PINK1: variants seen among roughly 807,000 people sequenced by gnomAD.
The protein encoded by PINK1 is serine/threonine-protein kinase PINK1, mitochondrial.
Under a neutral mutation model 56.0 loss-of-function variants are expected in PINK1, and 58 were observed. The observed-to-expected ratio is 1.04, with a 90% CI of 0.84 to 1.29. The LOEUF (loss-of-function observed/expected upper bound fraction) is 1.29. Ranked by LOEUF, PINK1 falls within the 50% of genes most tolerant of loss-of-function variation. The pLI is 0.00. For synonymous variants in PINK1, 354 were observed against 339.3 expected (o/e 1.04, Z -0.48); for missense variants, 745 against 777.9 (o/e 0.96, Z 0.50).
At chr1:20,648,426 G>C in intron 5 of PINK1, 79 bp from the exon 6 acceptor site, 1 of 1,593,978 alleles carries the variant, frequency 6.3e-7, no homozygotes, top group Non-Finnish European at 8.6e-7. Flanking sequence ...TCTTGCTGGT[G>C]GCTTTAGTAG....
At position 20,648,525 on chromosome 1, in the gene PINK1, A is replaced by G. The variant is rs768758677; in HGVS notation, c.1144A>G (p.Ile382Val). Residue 382 changes from isoleucine (I) to valine (V), a missense_variant, in exon 6 of 8, where the codon ATC becomes GTC. Ile to Val is a conservative substitution (Grantham distance 29, BLOSUM62 3). Coordinates refer to ENST00000321556, the MANE Select transcript of PINK1 (RefSeq NM_032409.3). ...LDPDGCPWLV[I>V]ADFGCCLADE... is the part of the protein sequence containing the mutation. Reference sequence around the variant, plus strand: ...CCCAGACGGCTGCCCCTGGCTGGTGATCGCAGATTTTGGCTGCTGCCTGGC... The same window carrying G: ...CCCAGACGGCTGCCCCTGGCTGGTGGTCGCAGATTTTGGCTGCTGCCTGGC... 1 of 1,614,138 alleles carries G rather than the reference A, an allele frequency of 6.2e-7. No individual in the cohort carries two copies. Among genetic ancestry groups the G allele is most frequent in the South Asian group, 1.1e-5 (1 of 91,090 alleles).
chr1:20,647,435 G>C (rs1313829076), intron 5 of PINK1, among the ~76,000 whole-genome samples: 1 of 145,900 alleles, frequency 6.9e-6, no homozygotes, highest in Non-Finnish European at 1.5e-5. Context: ...GGGATTACAG[G>C]TATGAGCCAC....
Position 20,645,556 on chromosome 1 carries a change from C to T in PINK1, c.960-4C>T. On this transcript the variant is annotated splice_polypyrimidine_tract_variant and splice_region_variant and intron_variant, in intron 4 of 7. Transcript: ENST00000321556. ...AGCCAGAGGCCCTCTCCCCTCTCCG[C>T]CAGCTATCCCTGTACCCTGCGCCAG... 1.9e-6 allele frequency: 3 copies of T among 1,613,434 alleles called. No homozygotes were observed. The highest frequency in any genetic ancestry group is 2.2e-5 in the South Asian group (2 of 91,080).
Position 20,651,084 on chromosome 1 carries a change from C to A in PINK1, c.*393C>A. ...GATTTGCCACCTGGATGAAGGCAGA[C>A]ATCAACATGGGTCAGCACGTTCAGT... On this transcript the variant is annotated 3_prime_UTR_variant, in exon 8 of 8. Transcript: ENST00000321556. The A allele has an allele frequency of 3.1e-6, 1 of 323,052 alleles. No individual in the cohort carries two copies. Among genetic ancestry groups the A allele is most frequent in the Non-Finnish European group, 6.0e-6 (1 of 166,786 alleles). 20.0% of individuals were successfully genotyped at this position (323,052 alleles called of 1,614,324 possible).
At chr1:20,633,967 G>A (rs1196632647) in intron 1 of PINK1, 32 bp downstream of exon 1, 1 of 1,568,490 alleles carries the variant, frequency 6.4e-7, no homozygotes. Flanking sequence ...GCCGAGCGGA[G>A]GACGGAGCTA....
chr1:20,645,498 A>AAAC (rs2053167421), intron 4 of PINK1, 62 bp from the exon 5 acceptor site: 4 of 1,511,550 alleles, frequency 2.6e-6, no homozygotes, highest in Non-Finnish European at 3.6e-6. Flanking sequence ...AAAAAAAAAA[A>AAAC]AAAAAACGTA....
In PINK1 at chr1:20,650,769, T is replaced by G; in HGVS notation, c.*78T>G. On this transcript the variant is annotated 3_prime_UTR_variant, in exon 8 of 8. Coordinates refer to ENST00000321556, the MANE Select transcript of PINK1 (RefSeq NM_032409.3). The stretch of plus-strand genomic sequence containing the variant: ...CGTGATGGTCTGTGAATGGTGAGGG[T>G]GGGAGTCAGGAGACAAGACAGCGCA... 6.4e-7 allele frequency: 1 copy of G among 1,559,422 alleles called. No individual in the cohort carries two copies. The highest frequency in any genetic ancestry group is 1.1e-5 in the South Asian group (1 of 86,966).
intron 2 of PINK1, chr1:20,639,593 G>T: frequency 2.2e-6 from 1 of 446,226 alleles, no homozygotes; most frequent in Non-Finnish European, 4.2e-6. Context: ...CAGAGGCACC[G>T]ATGGCAGGAA....
At chr1:20,634,369 G>A (rs1395555816) in intron 1 of PINK1, among the ~76,000 whole-genome samples, 1 of 152,198 alleles carries the variant, frequency 6.6e-6, no homozygotes, top group African/African-American at 2.4e-5. Context: ...GAGCCAGGCT[G>A]CCTCCGCCGT....
Position 20,644,666 on chromosome 1 carries a change from TGAA to T in PINK1, c.958_959+1del, listed in dbSNP as rs761346571. 2 of 1,614,200 alleles carry T rather than the reference TGAA, an allele frequency of 1.2e-6. No individual in the cohort carries two copies. The highest frequency in any genetic ancestry group is 1.7e-6 in the Non-Finnish European group (2 of 1,180,046). ...CATGGCCGGACGCTGTTCCTCGTTA[TGAA>T]GAAGTAAGTGACAGCAGCGCGGCAG... On this transcript the variant is annotated inframe_deletion, in exon 4 of 8. Transcript: ENST00000321556.
intron 7 of PINK1, chr1:20,649,638 G>A (rs542493351): frequency 5.8e-5 from 13 of 223,962 alleles, no homozygotes; most frequent in Middle Eastern, 1.8e-3. Flanking sequence ...CGTGGCACAC[G>A]CCTGTAATTC....
Position 20,645,726 on chromosome 1 carries a change from A to G in PINK1, c.1123+3A>G. The G allele has an allele frequency of 3.1e-6, 5 of 1,614,158 alleles. No homozygotes were observed. Among genetic ancestry groups the G allele is most frequent in the South Asian group, 1.1e-5 (1 of 91,084 alleles). On this transcript the variant is annotated splice_donor_region_variant and intron_variant, in intron 5 of 7. Coordinates refer to ENST00000321556, the MANE Select transcript of PINK1 (RefSeq NM_032409.3). ...CATCCTTGTGGAGCTGGACCCAGGT[A>G]GGAACCTGCTGCACCATCAGAGCTC...
At position 20,651,295 on chromosome 1, in the gene PINK1, T is replaced by C. The variant is rs543456950; in HGVS notation, c.*604T>C. On this transcript the variant is annotated 3_prime_UTR_variant, in exon 8 of 8. Coordinates refer to ENST00000321556, the MANE Select transcript of PINK1 (RefSeq NM_032409.3). ...CCTCTCTTACAGGAATTGTGAAATA[T>C]TAAATGCAAATTTACAACTGCAGAT... 1 of 162,976 alleles carries C rather than the reference T, an allele frequency of 6.1e-6. No homozygotes were observed. Among genetic ancestry groups the C allele is most frequent in the African/African-American group, 2.4e-5 (1 of 41,768 alleles). The allele number at this position is 162,976 out of a possible 1,614,324, so 10.1% of individuals were successfully genotyped here. A position where few individuals can be genotyped will look rare whatever the true frequency, so the allele number is the denominator to read the frequency against.
intron 5 of PINK1, among the ~76,000 whole-genome samples, chr1:20,647,538 T>A (rs2053199336): frequency 6.8e-6 from 1 of 147,324 alleles, no homozygotes; most frequent in Non-Finnish European, 1.5e-5. Context: ...TGGCATGATC[T>A]TGGCTCACTG....
intron 1 of PINK1, 39 bp from the exon 2 acceptor site, chr1:20,637,803 A>G (rs1215703443): frequency 1.2e-6 from 2 of 1,611,278 alleles, no homozygotes; most frequent in Non-Finnish European, 1.7e-6. Flanking sequence ...GGGCCTTCCT[A>G]GGCTCCCTGG....
chr1:20,645,875 T>A, intron 5 of PINK1, 152 bp downstream of exon 5: 1 of 1,050,068 alleles, frequency 9.5e-7, no homozygotes, highest in Non-Finnish European at 1.4e-6. Flanking sequence ...ATCTCTCCCT[T>A]AGAACGGGGT....
Position 20,647,053 on chromosome 1 carries a change from A to ATTTTTTTTTTTT in PINK1, c.1123+1340_1123+1351dup, listed in dbSNP as rs71585775. Among the ~76,000 whole-genome samples, 49 of 91,468 alleles carry ATTTTTTTTTTTT rather than the reference A, an allele frequency of 5.4e-4. 4 individuals carry two copies. The highest frequency in any genetic ancestry group is 7.3e-4 in the Non-Finnish European group (35 of 47,990). 60.0% of individuals were successfully genotyped at this position (91,468 alleles called of 152,430 possible). On this transcript the variant is annotated intron_variant, in intron 5 of 7. Transcript: ENST00000321556. ...TGCCACCACGCCTAGCTAATTTTTGATTTTTTTTTTTTTTTTTTTTTGAGA... is the reference window on the plus strand; with the variant it reads ...TGCCACCACGCCTAGCTAATTTTTGATTTTTTTTTTTTTTTTTTTTTTTTTTTTTTTTTGAGA...
chr1:20,649,005 C>T lies in PINK1; in HGVS notation c.1262C>T (p.Ala421Val), dbSNP rs772593766. 12 of 1,613,088 alleles carry T rather than the reference C, an allele frequency of 7.4e-6. No homozygotes were observed. The African/African-American group carries it at 1.2e-4, about 16-fold the overall frequency. The change falls in exon 7 of 8, where the codon GCC becomes GTC. Residue 421 changes from alanine to valine, a missense_variant. Physicochemically the swap from Ala to Val is moderately conservative, Grantham distance 64. Transcript: ENST00000321556. ...ACTGCTTCTGAGCAGGTGTCCACGG[C>T]CCGTCCTGGCCCCAGGGCAGTGATT... ...GCLMAPEVST[A>V]RPGPRAVIDY...
intron 5 of PINK1, 57 bp from the exon 6 acceptor site, chr1:20,648,448 G>A: frequency 6.2e-7 from 1 of 1,610,528 alleles, no homozygotes; most frequent in Non-Finnish European, 8.5e-7. Flanking sequence ...GACATAGGAG[G>A]GCCTCTCAGA....
Sources: allele counts gnomAD v4.1 joint callset (sites outside exome capture counted in the v4.1 genomes callset), GRCh38; gene constraint gnomAD v4.1.1; transcripts MANE v1.5; gene names NCBI Gene and HGNC (gene_info 2026-07-23, HGNC 2026-07-21).